The following MTRFR variants were observed in gnomAD, a reference collection of about 807,000 sequenced individuals.
MTRFR encodes mitochondrial translation release factor in rescue, also known as probable peptide chain release factor C12orf65, mitochondrial.
MTRFR carries 10 observed loss-of-function variants against 11.9 expected under a neutral mutation model. The ratio of observed to expected loss-of-function variants is 0.84; its 90% CI spans 0.52 to 1.42. The LOEUF (loss-of-function observed/expected upper bound fraction) is 1.42, where lower values mean the gene tolerates loss of function less well. Ranked by LOEUF, MTRFR falls within the 40% of genes most tolerant of loss-of-function variation. The pLI is 0.00. For synonymous variants in MTRFR, 77 were observed against 79.1 expected (o/e 0.97, Z 0.14); for missense variants, 196 against 197.9 (o/e 0.99, Z 0.06).
At chr12:123,249,135 G>T (rs999518805) in intron 1 of MTRFR, 1 of 152,258 alleles carries the variant, frequency 6.6e-6, no homozygotes, top group Non-Finnish European at 1.5e-5. Flanking sequence ...GACACAGGGT[G>T]CTGATTGGTG....
Position 123,253,782 on chromosome 12 carries a change from A to G in MTRFR, c.108A>G (p.Ile36Met). 1 of 1,614,218 alleles carries G rather than the reference A, an allele frequency of 6.2e-7. No individual in the cohort carries two copies. Among genetic ancestry groups the G allele is most frequent in the Non-Finnish European group, 8.5e-7 (1 of 1,180,050 alleles). Residue 36 changes from isoleucine (I) to methionine (M), a missense_variant, in exon 2 of 3, where the codon ATA (isoleucine) becomes ATG (methionine). Ile to Met is a conservative substitution (Grantham distance 10, BLOSUM62 1). Coordinates refer to ENST00000253233, the MANE Select transcript of MTRFR (RefSeq NM_152269.5). ...AGCTGACGTTGTTATCCCCAGGAATAGCTGTCACTCCGGTCCAGATGGCAG... is the reference window on the plus strand; with the variant it reads ...AGCTGACGTTGTTATCCCCAGGAATGGCTGTCACTCCGGTCCAGATGGCAG... The part of the protein sequence containing the change: ...WEKLTLLSPG[I>M]AVTPVQMAGK...
At chr12:123,238,021 G>A (rs73417343) in intron 1 of MTRFR, among the ~76,000 whole-genome samples, 5,987 of 151,718 alleles carry the variant, frequency 0.039, 382 homozygotes, top group African/African-American at 0.14. Flanking sequence ...GCAGCCTCCC[G>A]AGTAGCCGGG....
chr12:123,246,539 C>T (rs986798560), intron 1 of MTRFR, among the ~76,000 whole-genome samples: 6 of 151,094 alleles, frequency 4.0e-5, no homozygotes, highest in East Asian at 1.9e-4. Context: ...CTGCAACCTC[C>T]GCCTCCCAGG....
At chr12:123,239,172 G>A (rs990424758) in intron 1 of MTRFR, among the ~76,000 whole-genome samples, 3 of 152,132 alleles carry the variant, frequency 2.0e-5, no homozygotes, top group African/African-American at 4.8e-5. Flanking sequence ...AGGAGGCTGC[G>A]GTGAGAGGAT....
intron 1 of MTRFR, among the ~76,000 whole-genome samples, chr12:123,244,930 ATT>A (rs544105176): frequency 6.1e-5 from 4 of 65,094 alleles, no homozygotes; most frequent in African/African-American, 4.1e-4. Context: ...CGCACCCGGC[ATT>A]TTTTTTTTTT....
intron 1 of MTRFR, among the ~76,000 whole-genome samples, chr12:123,247,466 AC>A (rs1445128692): frequency 1.5e-4 from 23 of 152,116 alleles, no homozygotes; most frequent in Middle Eastern, 6.8e-3. Context: ...AAGAATAGCT[AC>A]CCCTGCTTGT....
At chr12:123,240,240 G>T (rs917764626) in intron 1 of MTRFR, among the ~76,000 whole-genome samples, 1 of 151,756 alleles carries the variant, frequency 6.6e-6, no homozygotes, top group African/African-American at 2.4e-5. Flanking sequence ...TGGACGTGGT[G>T]GTGGGCACCT....
chr12:123,251,042 C>G (rs2048105709), intron 1 of MTRFR: 1 of 152,218 alleles, frequency 6.6e-6, no homozygotes, highest in Admixed American at 6.5e-5. Context: ...GTGAGATTCC[C>G]AGGTCACTGG....
intron 1 of MTRFR, among the ~76,000 whole-genome samples, chr12:123,244,362 G>T (rs1250592355): frequency 6.6e-6 from 1 of 152,158 alleles, no homozygotes; most frequent in African/African-American, 2.4e-5. Context: ...AACCCAGGAG[G>T]CAGAGGTTGC....
At position 123,257,093 on chromosome 12, in the gene MTRFR, C is replaced by A; in HGVS notation, c.*62C>A. On this transcript the variant is annotated 3_prime_UTR_variant, in exon 3 of 3. Coordinates refer to ENST00000253233, the MANE Select transcript of MTRFR (RefSeq NM_152269.5). Reference sequence around the variant, plus strand: ...AGAAGCTCCCAGGGAATAATGGTGGCGAGTTCCATCACCAGCATTATTATA... The same window carrying A: ...AGAAGCTCCCAGGGAATAATGGTGGAGAGTTCCATCACCAGCATTATTATA... The A allele has an allele frequency of 8.1e-7, 1 of 1,241,984 alleles. No homozygotes were observed. The highest frequency in any genetic ancestry group is 1.2e-6 in the Non-Finnish European group (1 of 853,404). The allele number at this position is 1,241,984 out of a possible 1,614,324, so 76.9% of individuals were successfully genotyped here. A position where few individuals can be genotyped will look rare whatever the true frequency, so the allele number is the denominator to read the frequency against.
chr12:123,243,795 G>C (rs993167203), intron 1 of MTRFR: 1 of 152,190 alleles, frequency 6.6e-6, no homozygotes, highest in Admixed American at 6.5e-5. Context: ...CAGTATCACT[G>C]TACTGGTTAC....
At chr12:123,244,927 GGC>G (rs1593279559) in intron 1 of MTRFR, among the ~76,000 whole-genome samples, 1 of 85,192 alleles carries the variant, frequency 1.2e-5, no homozygotes, top group East Asian at 3.8e-4. Context: ...CACCGCACCC[GGC>G]ATTTTTTTTT....
intron 1 of MTRFR, chr12:123,251,615 G>A (rs892518681): frequency 2.6e-5 from 4 of 152,440 alleles, no homozygotes; most frequent in East Asian, 1.9e-4. Context: ...CCTCTCCAGT[G>A]GGGGGGTGTG....
intron 2 of MTRFR, among the ~76,000 whole-genome samples, chr12:123,255,548 CTGGGCTCAAGCAAT>C (rs1194163704): frequency 6.6e-6 from 1 of 152,072 alleles, no homozygotes; most frequent in African/African-American, 2.4e-5. Flanking sequence ...CCTCAAACAC[CTGGGCTCAAGCAAT>C]CCTCCCGCCT....
chr12:123,244,509 AG>A (rs1423474290), intron 1 of MTRFR, among the ~76,000 whole-genome samples: 1 of 152,230 alleles, frequency 6.6e-6, no homozygotes, highest in African/African-American at 2.4e-5. Context: ...TCTTCAATAA[AG>A]ATGCTCTAAC....
chr12:123,244,192 G>A (rs12818067), intron 1 of MTRFR, among the ~76,000 whole-genome samples: 32,090 of 152,118 alleles, frequency 0.21, 3,598 homozygotes, highest in Middle Eastern at 0.28. Flanking sequence ...CAGCACTTTG[G>A]GAGGCTGAGG....
intron 1 of MTRFR, among the ~76,000 whole-genome samples, chr12:123,246,211 C>G (rs2048037498): frequency 1.3e-5 from 2 of 151,172 alleles, no homozygotes; most frequent in African/African-American, 4.9e-5. Flanking sequence ...CATGCGCCAC[C>G]ACGCCCGGCT....
At chr12:123,240,630 CAG>C (rs1239626450) in intron 1 of MTRFR, 2 of 149,272 alleles carry the variant, frequency 1.3e-5, no homozygotes, top group Admixed American at 6.7e-5. Context: ...AAAAAACAAA[CAG>C]TGAATTTTAG....
intron 1 of MTRFR, among the ~76,000 whole-genome samples, chr12:123,241,679 A>G (rs1418286225): frequency 6.6e-6 from 1 of 152,068 alleles, no homozygotes; most frequent in Non-Finnish European, 1.5e-5. Flanking sequence ...TATGTTGCAC[A>G]GGCTGGAGAC....
Sources: gnomAD v4.1 joint callset for allele counts (sites outside exome capture counted in the v4.1 genomes callset) on GRCh38, gnomAD v4.1.1 for gene constraint, MANE v1.5 for transcripts, NCBI Gene and HGNC (gene_info 2026-07-23, HGNC 2026-07-21) for gene names.